Variants in RFX2 observed in about 807,000 individuals in gnomAD.
The protein encoded by RFX2 is DNA-binding protein RFX2.
Under a neutral mutation model 87.8 loss-of-function variants are expected in RFX2, and 20 were observed. The ratio of observed to expected loss-of-function variants is 0.23; its 90% confidence interval spans 0.16 to 0.33. RFX2 has a LOEUF of 0.33. RFX2 is among the 10% of genes least tolerant of loss of function. The probability of loss-of-function intolerance (pLI) is 1.00; values close to 1 mark genes in which losing one functional copy is unlikely to be tolerated. For missense variants in RFX2, 767 were observed against 1,012.3 expected, an observed-to-expected ratio of 0.76 and a Z score of 3.29; for synonymous variants, 397 against 431.3, an observed-to-expected ratio of 0.92 and a Z score of 0.98.
rs368062995 is a variant in RFX2, at chr19:6,080,202, A to ATGTGTGTGTGTGTGTG, written c.-9+30175_-9+30190dup. ...GGGACCACAGGCACATGCCTGGTTA[A>ATGTGTGTGTGTGTGTG]TGTGTGTGTGTGTGTGTGTGTGTGT... On this transcript the variant is annotated intron_variant, in intron 1 of 17. Coordinates refer to ENST00000303657, the MANE Select transcript of RFX2 (RefSeq NM_000635.4). Among the ~76,000 whole-genome samples, 599 of 138,486 alleles carry ATGTGTGTGTGTGTGTG rather than the reference A, an allele frequency of 4.3e-3. 10 individuals carry two copies. Among genetic ancestry groups the ATGTGTGTGTGTGTGTG allele is most frequent in the African/African-American group, 0.015 (570 of 37,392 alleles). 90.9% of individuals were successfully genotyped at this position (138,486 alleles called of 152,430 possible).
At position 6,021,700 on chromosome 19, in the gene RFX2, G is replaced by C. The variant is rs1294601174; in HGVS notation, c.597+4463C>G. On this transcript the variant is annotated intron_variant, in intron 6 of 17. Coordinates refer to ENST00000303657, the MANE Select transcript of RFX2 (RefSeq NM_000635.4). This position sits in a 1 kb window ranked among gnomAD's most constrained non-coding sequence, Gnocchi z 5.7. ...GCCCGTGTGGCTGGAGCACAGTGAG[G>C]AGTGGGAGAGAGCGGGTCCTGCAGG... 6.6e-6 allele frequency among the ~76,000 whole-genome samples: 1 copy of C among 152,258 alleles called. No homozygotes were observed. The highest frequency in any genetic ancestry group is 1.5e-5 in the Non-Finnish European group (1 of 68,046).
chr19:6,063,328 G>A lies in RFX2; in HGVS notation c.-8-15824C>T, dbSNP rs2087466698. 6.6e-6 allele frequency among the ~76,000 whole-genome samples: 1 copy of A among 152,216 alleles called. No homozygotes were observed. The highest frequency in any genetic ancestry group is 1.5e-5 in the Non-Finnish European group (1 of 68,040). On this transcript the variant is annotated intron_variant, in intron 1 of 17. Coordinates refer to ENST00000303657, the MANE Select transcript of RFX2 (RefSeq NM_000635.4). The surrounding 1 kb of genome is among the most constrained non-coding windows in gnomAD (Gnocchi z 4.0). ...GCTAGCCTCTGCCTGCAAGTCTAAGGTCTGCAGAATCGAGGGAGGCCAGCA... is the reference window on the plus strand; with the variant it reads ...GCTAGCCTCTGCCTGCAAGTCTAAGATCTGCAGAATCGAGGGAGGCCAGCA...
chr19:6,084,311 A>G (rs889612805), intron 1 of RFX2, among the ~76,000 whole-genome samples: 1 of 152,240 alleles, frequency 6.6e-6, no homozygotes, highest in African/African-American at 2.4e-5. Flanking sequence ...TAGTAAAGTA[A>G]TGCTGGGAAA....
chr19:6,004,389 G>A lies in RFX2; in HGVS notation c.1403-91C>T, dbSNP rs574604402. The A allele has an allele frequency of 3.8e-4, 400 of 1,046,114 alleles. 4 individuals carry two copies. The East Asian group carries it at 6.1e-3, about 16-fold the overall frequency. 64.8% of individuals were successfully genotyped at this position (1,046,114 alleles called of 1,614,324 possible). Reference sequence around the variant, plus strand: ...TCAGTGTAAGAGCTGGCCCAAGTGCGATGAAAATGACCACCATGAAGAACG... The same window carrying A: ...TCAGTGTAAGAGCTGGCCCAAGTGCAATGAAAATGACCACCATGAAGAACG... On this transcript the variant is annotated intron_variant, in intron 12 of 17. Coordinates refer to ENST00000303657, the MANE Select transcript of RFX2 (RefSeq NM_000635.4). This position sits in a 1 kb window ranked among gnomAD's most constrained non-coding sequence, Gnocchi z 4.8.
chr19:6,089,245 G>C (rs2087898776), intron 1 of RFX2, among the ~76,000 whole-genome samples: 1 of 152,218 alleles, frequency 6.6e-6, no homozygotes, highest in Non-Finnish European at 1.5e-5. Flanking sequence ...AACCACGCTA[G>C]AAATCTGCGT....
At position 6,039,885 on chromosome 19, in the gene RFX2, C is replaced by T. The variant is rs923748351; in HGVS notation, c.522+95G>A. ...GGCCCAGAGCAGACGACAGCCCCTCCGGGCCTCCGGCTGCCTCTTACTCAC... is the reference window on the plus strand; with the variant it reads ...GGCCCAGAGCAGACGACAGCCCCTCTGGGCCTCCGGCTGCCTCTTACTCAC... On this transcript the variant is annotated intron_variant, in intron 5 of 17. Coordinates refer to ENST00000303657, the MANE Select transcript of RFX2 (RefSeq NM_000635.4). The surrounding 1 kb of genome is among the most constrained non-coding windows in gnomAD (Gnocchi z 5.2). 8.0e-5 allele frequency: 112 copies of T among 1,393,988 alleles called. No individual in the cohort carries two copies. The highest frequency in any genetic ancestry group is 2.6e-4 in the Middle Eastern group (1 of 3,776). The allele number at this position is 1,393,988 out of a possible 1,614,324, so 86.4% of individuals were successfully genotyped here. A position where few individuals can be genotyped will look rare whatever the true frequency, so the allele number is the denominator to read the frequency against.
chr19:6,077,645 C>T (rs2087711012), intron 1 of RFX2, among the ~76,000 whole-genome samples: 1 of 152,116 alleles, frequency 6.6e-6, no homozygotes, highest in African/African-American at 2.4e-5. Context: ...TCCTAATGGC[C>T]CCAAAGTAGC....
chr19:6,031,290 T>TC (rs1366129942), intron 5 of RFX2, among the ~76,000 whole-genome samples: 1 of 152,136 alleles, frequency 6.6e-6, no homozygotes, highest in Non-Finnish European at 1.5e-5. Context: ...CTGGTGGACT[T>TC]CCCATCTCAT....
rs2144726442 is a variant in RFX2 at position 6,022,564 on chromosome 19, T to C, written c.597+3599A>G. ...GTGGCCCCCAGGGGCTGAGGCCGCC[T>C]CTTCTGCTCAAGTCGGTGGCCTGCC... On this transcript the variant is annotated intron_variant, in intron 6 of 17. Transcript: ENST00000303657. This position sits in a 1 kb window ranked among gnomAD's most constrained non-coding sequence, Gnocchi z 6.2. Among the ~76,000 whole-genome samples the C allele has an allele frequency of 6.6e-6, 1 of 152,278 alleles. No homozygotes were observed. Among genetic ancestry groups the C allele is most frequent in the South Asian group, 2.1e-4 (1 of 4,828 alleles).
chr19:6,006,517 T>A (rs1019330451), intron 12 of RFX2, among the ~76,000 whole-genome samples: 1 of 145,140 alleles, frequency 6.9e-6, no homozygotes, highest in East Asian at 2.0e-4. Flanking sequence ...TGGTGTGATC[T>A]CGGCTCACTG....
chr19:6,093,080 G>C (rs2087964934), intron 1 of RFX2, among the ~76,000 whole-genome samples: 1 of 152,192 alleles, frequency 6.6e-6, no homozygotes, highest in Non-Finnish European at 1.5e-5. Context: ...GCAGATGTAA[G>C]TGGCGGCAAG....
At chr19:6,108,100 A>C (rs2088248900) in intron 1 of RFX2, among the ~76,000 whole-genome samples, 1 of 152,210 alleles carries the variant, frequency 6.6e-6, no homozygotes, top group Non-Finnish European at 1.5e-5. Context: ...CTATTTCAGA[A>C]CTCATTCCCA....
chr19:6,057,841 G>A (rs2087367218), intron 1 of RFX2, among the ~76,000 whole-genome samples: 1 of 152,212 alleles, frequency 6.6e-6, no homozygotes, highest in South Asian at 2.1e-4. Context: ...AGGCTGCCCA[G>A]AAAAGTCTTG....
At chr19:6,038,328 G>GAAAAAAA (rs55857624) in intron 5 of RFX2, among the ~76,000 whole-genome samples, 1 of 61,084 alleles carries the variant, frequency 1.6e-5, no homozygotes, top group African/African-American at 6.8e-5. Context: ...CTCCGTCTCA[G>GAAAAAAA]AAAAAAAAAA....
chr19:6,001,683 G>T lies in RFX2; in HGVS notation c.1859+132C>A. 2 of 769,126 alleles carry T rather than the reference G, an allele frequency of 2.6e-6. No homozygotes were observed. Among genetic ancestry groups the T allele is most frequent in the Non-Finnish European group, 4.0e-6 (2 of 499,652 alleles). 47.6% of individuals were successfully genotyped at this position (769,126 alleles called of 1,614,324 possible). ...CCAGCCAGGTAGTTGTTTTTTGCGG[G>T]TTCAGACACTGCTGCAACTCTGCTG... On this transcript the variant is annotated intron_variant, in intron 15 of 17. Transcript: ENST00000303657. This position sits in a 1 kb window ranked among gnomAD's most constrained non-coding sequence, Gnocchi z 5.6.
intron 1 of RFX2, among the ~76,000 whole-genome samples, chr19:6,106,409 C>A (rs2088217767): frequency 6.6e-6 from 1 of 152,196 alleles, no homozygotes; most frequent in Non-Finnish European, 1.5e-5. Flanking sequence ...AAGCCCACAA[C>A]CCCTTACAAC....
chr19:5,996,296 C>A (rs576471897), intron 16 of RFX2, among the ~76,000 whole-genome samples: 1 of 152,286 alleles, frequency 6.6e-6, no homozygotes, highest in Non-Finnish European at 1.5e-5. Context: ...CCGTTCACGA[C>A]GGCCACAGAG....
intron 5 of RFX2, among the ~76,000 whole-genome samples, chr19:6,033,523 T>A (rs16993340): frequency 0.015 from 2,192 of 151,080 alleles, 56 homozygotes; most frequent in African/African-American, 0.05. Context: ...TCTTTAATCT[T>A]GTCACTACAG....
chr19:6,088,775 AGACCAGG>A lies in RFX2; in HGVS notation c.-9+21611_-9+21617del, dbSNP rs1367539644. Reference sequence around the variant, plus strand: ...CACATATAGCCAAGTAATGTGCGTTAGACCAGGGGGTGGCAAGCTTTTTTTGTAAAAT... The same window carrying A: ...CACATATAGCCAAGTAATGTGCGTTAGGGTGGCAAGCTTTTTTTGTAAAAT... On this transcript the variant is annotated intron_variant, in intron 1 of 17. Transcript: ENST00000303657. 3.3e-5 allele frequency among the ~76,000 whole-genome samples: 5 copies of A among 152,348 alleles called. No individual in the cohort carries two copies. The East Asian group carries it at 9.6e-4, about 29-fold the overall frequency.
Sources: allele counts gnomAD v4.1 joint callset (sites outside exome capture counted in the v4.1 genomes callset), GRCh38; gene constraint gnomAD v4.1.1; non-coding constraint Gnocchi (gnomAD v3.1); transcripts MANE v1.5; gene names NCBI Gene and HGNC (gene_info 2026-07-23, HGNC 2026-07-21).